CRMP1: variants seen among roughly 807,000 people sequenced by gnomAD.
CRMP1 encodes collapsin response mediator protein 1, also known as dihydropyrimidinase-related protein 1.
A neutral mutation model predicts 68.3 loss-of-function variants in CRMP1; 19 were observed. The ratio of observed to expected loss-of-function variants is 0.28; its 90% CI spans 0.19 to 0.41. The LOEUF is 0.41. CRMP1 is among the 10% of genes least tolerant of loss of function. CRMP1 has a pLI of 1.00. For synonymous variants in CRMP1, 439 were observed against 399.6 expected, an observed-to-expected ratio of 1.10 and a Z score of -1.18; for missense variants, 791 against 967.4, an observed-to-expected ratio of 0.82 and a Z score of 2.42.
At position 5,849,476 on chromosome 4, in the gene CRMP1, T is replaced by C. The variant is rs1712463490; in HGVS notation, c.883-4A>G. ...GGAAGGTAAAGGCTTCATAGAGCTA[T>C]GGAGAGATAAACAGGGGTTGGTGTG... On this transcript the variant is annotated splice_polypyrimidine_tract_variant and splice_region_variant and intron_variant, in intron 5 of 13. Coordinates refer to ENST00000324989, the MANE Select transcript of CRMP1 (RefSeq NM_001014809.3). 3 of 1,605,096 alleles carry C rather than the reference T, an allele frequency of 1.9e-6. No individual in the cohort carries two copies. Among genetic ancestry groups the C allele is most frequent in the East Asian group, 2.2e-5 (1 of 44,786 alleles).
intron 13 of CRMP1, among the ~76,000 whole-genome samples, chr4:5,823,298 C>T (rs555880367): frequency 6.6e-6 from 1 of 152,320 alleles, no homozygotes; most frequent in African/African-American, 2.4e-5. Flanking sequence ...TCTTTTCTCC[C>T]ATTGTTTCAC....
intron 10 of CRMP1, 57 bp from the exon 11 acceptor site, chr4:5,836,142 GCAGCTGGGCACAAATGGAAGACTGC>G: frequency 7.3e-7 from 1 of 1,362,644 alleles, no homozygotes; most frequent in East Asian, 2.8e-5. Flanking sequence ...AGGAGGAGGG[GCAGCTGGGCACAAATGGAAGACTGC>G]CAGCTGAGGC....
rs889240381 is a variant in CRMP1 at position 5,858,400 on chromosome 4, A to G, written c.656-2093T>C. ...GAGAATGTCCAAAACCTCATGCAAT[A>G]CTCTCCCCACCCCGACCCCAGCTGT... On this transcript the variant is annotated intron_variant, in intron 3 of 13. Transcript: ENST00000324989. This position sits in a 1 kb window ranked among gnomAD's most constrained non-coding sequence, Gnocchi z 5.5. Among the ~76,000 whole-genome samples, 9 of 150,752 alleles carry G rather than the reference A, an allele frequency of 6.0e-5. No homozygotes were observed. The highest frequency in any genetic ancestry group is 2.2e-4 in the African/African-American group (9 of 40,826).
At chr4:5,878,076 G>A (rs534584329) in intron 1 of CRMP1, among the ~76,000 whole-genome samples, 2 of 152,326 alleles carry the variant, frequency 1.3e-5, no homozygotes, top group East Asian at 1.9e-4. Context: ...CATTACATGG[G>A]TTTTCATTTT....
At chr4:5,864,926 G>C (rs1416612270) in intron 2 of CRMP1, among the ~76,000 whole-genome samples, 2 of 129,088 alleles carry the variant, frequency 1.5e-5, no homozygotes, top group Admixed American at 9.3e-5. Context: ...ATTTGAAATG[G>C]TCAAAGTCTG....
chr4:5,893,042 G>A lies in CRMP1; in HGVS notation c.-73C>T. The A allele has an allele frequency of 9.9e-7, 1 of 1,006,438 alleles. No individual in the cohort carries two copies. The highest frequency in any genetic ancestry group is 1.2e-6 in the Non-Finnish European group (1 of 831,538). The allele number at this position is 1,006,438 out of a possible 1,614,324, so 62.3% of individuals were successfully genotyped here. ...GGCCCTGGGCACCGCCGTGCGCCGC[G>A]CTCCGCGCCTCGGTGCGGGCCTGCG... On this transcript the variant is annotated 5_prime_UTR_variant, in exon 1 of 14. Coordinates refer to ENST00000324989, the MANE Select transcript of CRMP1 (RefSeq NM_001014809.3).
chr4:5,892,773 CTGCGCGGCGTGCG>C lies in CRMP1; in HGVS notation c.184_196del (p.Arg62AlafsTer23). On this transcript the variant is annotated frameshift_variant, in exon 1 of 14. Coordinates refer to ENST00000324989, the MANE Select transcript of CRMP1 (RefSeq NM_001014809.3). LOFTEE classifies it high-confidence loss of function. This position sits in a 1 kb window ranked among gnomAD's most constrained non-coding sequence, Gnocchi z 8.6. ...CCCGACCGCGTCGGGCCGGCCAGCG[CTGCGCGGCGTGCG>C]CGCCGAGCCGCGGCGGCCCACACTG... The C allele has an allele frequency of 1.6e-6, 2 of 1,286,416 alleles. No homozygotes were observed. Among genetic ancestry groups the C allele is most frequent in the Non-Finnish European group, 9.9e-7 (1 of 1,014,476 alleles). 79.7% of individuals were successfully genotyped at this position (1,286,416 alleles called of 1,614,324 possible).
At chr4:5,863,388 G>T (rs571638901) in intron 2 of CRMP1, among the ~76,000 whole-genome samples, 1 of 152,326 alleles carries the variant, frequency 6.6e-6, no homozygotes, top group South Asian at 2.1e-4. Flanking sequence ...GATGGGCCCA[G>T]ATTCAAGCCC....
chr4:5,884,985 A>T (rs73797947), intron 1 of CRMP1, among the ~76,000 whole-genome samples: 351 of 26,586 alleles, frequency 0.013, 2 homozygotes, highest in Middle Eastern at 0.04. Flanking sequence ...GCCATTCATT[A>T]AAAAAAAAAA....
rs557885516 is a variant in CRMP1, at chr4:5,842,669, TACACACACTC to T, written c.1032+414_1032+423del. Among the ~76,000 whole-genome samples the T allele has an allele frequency of 5.4e-4, 81 of 150,386 alleles. No homozygotes were observed. The highest frequency in any genetic ancestry group is 9.8e-4 in the Non-Finnish European group (66 of 67,496). Reference sequence around the variant, plus strand: ...TCTCTCTCACACACACACACTAACATACACACACTCACACACACACATACACACACAGCCA... The same window carrying T: ...TCTCTCTCACACACACACACTAACATACACACACACATACACACACAGCCA... On this transcript the variant is annotated intron_variant, in intron 7 of 13. Transcript: ENST00000324989. This position sits in a 1 kb window ranked among gnomAD's most constrained non-coding sequence, Gnocchi z 4.5.
rs1038604338 is a variant in CRMP1 at position 5,855,938 on chromosome 4, C to A, written c.820+205G>T. ...CAGAGACTGGATCTGCTTCTGAGAA[C>A]AAGGACACCCCCAGAGGTTTTCAAG... On this transcript the variant is annotated intron_variant, in intron 4 of 13. Transcript: ENST00000324989. This position sits in a 1 kb window ranked among gnomAD's most constrained non-coding sequence, Gnocchi z 4.9. 2.0e-5 allele frequency among the ~76,000 whole-genome samples: 3 copies of A among 152,156 alleles called. No individual in the cohort carries two copies. Among genetic ancestry groups the A allele is most frequent in the Admixed American group, 1.3e-4 (2 of 15,280 alleles).
rs1715197258 is a variant in CRMP1, at chr4:5,881,179, T to C, written c.381+11410A>G. Among the ~76,000 whole-genome samples the C allele has an allele frequency of 6.6e-6, 1 of 152,172 alleles. No individual in the cohort carries two copies. Among genetic ancestry groups the C allele is most frequent in the East Asian group, 1.9e-4 (1 of 5,184 alleles). On this transcript the variant is annotated intron_variant, in intron 1 of 13. Transcript: ENST00000324989. This position sits in a 1 kb window ranked among gnomAD's most constrained non-coding sequence, Gnocchi z 4.6. ...GAAGGAGTGGGGAACTACAACCTCA[T>C]ATATCCACAAACATTGCTTTCTTCC...
chr4:5,825,614 C>G lies in CRMP1; in HGVS notation c.1849G>C (p.Val617Leu). ...TTGGGTGTAGCTGGTACCTCGTACACAGGACCGTCATACATGCCCCTGGAA... is the reference window on the plus strand; with the variant it reads ...TTGGGTGTAGCTGGTACCTCGTACAGAGGACCGTCATACATGCCCCTGGAA... The part of the protein sequence containing the change: ...GVSRGMYDGP[V>L]YEVPATPKYA... Residue 617 changes from valine (V) to leucine (L), a missense_variant, in exon 13 of 14, where the codon GTG becomes CTG. Val to Leu is a conservative substitution (Grantham distance 32). Coordinates refer to ENST00000324989, the MANE Select transcript of CRMP1 (RefSeq NM_001014809.3). This position sits in a 1 kb window ranked among gnomAD's most constrained non-coding sequence, Gnocchi z 4.4. 6.2e-7 allele frequency: 1 copy of G among 1,606,118 alleles called. No homozygotes were observed. The highest frequency in any genetic ancestry group is 8.5e-7 in the Non-Finnish European group (1 of 1,177,614).
Position 5,872,429 on chromosome 4 carries a change from G to A in CRMP1, c.382-5673C>T, listed in dbSNP as rs902444695. ...AGGCCAGGTGCGGTGGCTCACGCCT[G>A]TAATCCCAGCACTTTGGGAGGCCGA... On this transcript the variant is annotated intron_variant, in intron 1 of 13. Coordinates refer to ENST00000324989, the MANE Select transcript of CRMP1 (RefSeq NM_001014809.3). The surrounding 1 kb of genome is among the most constrained non-coding windows in gnomAD (Gnocchi z 4.6). Among the ~76,000 whole-genome samples, 2 of 152,218 alleles carry A rather than the reference G, an allele frequency of 1.3e-5. No individual in the cohort carries two copies. The highest frequency in any genetic ancestry group is 4.8e-5 in the African/African-American group (2 of 41,448).
chr4:5,842,977 T>TGGGAGAGGACACG lies in CRMP1; in HGVS notation c.1032+103_1032+115dup. 1 of 963,464 alleles carries TGGGAGAGGACACG rather than the reference T, an allele frequency of 1.0e-6. No homozygotes were observed. Among genetic ancestry groups the TGGGAGAGGACACG allele is most frequent in the South Asian group, 1.4e-5 (1 of 70,296 alleles). 59.7% of individuals were successfully genotyped at this position (963,464 alleles called of 1,614,324 possible). A position where few individuals can be genotyped will look rare whatever the true frequency, so the allele number is the denominator to read the frequency against. ...GAAAACAAGATGGTTTGGGATGGTC[T>TGGGAGAGGACACG]GGGAGAGGACACGGGAAGAGGCCGG... On this transcript the variant is annotated intron_variant, in intron 7 of 13. Coordinates refer to ENST00000324989, the MANE Select transcript of CRMP1 (RefSeq NM_001014809.3). This position sits in a 1 kb window ranked among gnomAD's most constrained non-coding sequence, Gnocchi z 4.5.
intron 4 of CRMP1, among the ~76,000 whole-genome samples, chr4:5,852,156 CA>C (rs1410038584): frequency 6.6e-6 from 1 of 152,180 alleles, no homozygotes; most frequent in Non-Finnish European, 1.5e-5. Context: ...TTTTTTATCC[CA>C]TTTCTTTAAA....
intron 1 of CRMP1, among the ~76,000 whole-genome samples, chr4:5,878,377 C>T (rs1256027172): frequency 6.6e-6 from 1 of 152,032 alleles, no homozygotes; most frequent in Non-Finnish European, 1.5e-5. Context: ...AAGTACATAC[C>T]CCAGGCCTTG....
rs1719445716 is a variant in CRMP1 at position 5,825,679 on chromosome 4, G to A, written c.1804-20C>T. 1 of 1,611,124 alleles carries A rather than the reference G, an allele frequency of 6.2e-7. No individual in the cohort carries two copies. Among genetic ancestry groups the A allele is most frequent in the African/African-American group, 1.3e-5 (1 of 74,878 alleles). ...AAAAACCTAAACAGAGGAAGGGAGA[G>A]TGTGATTGATCGACACTGTGCATGT... On this transcript the variant is annotated intron_variant, in intron 12 of 13. Coordinates refer to ENST00000324989, the MANE Select transcript of CRMP1 (RefSeq NM_001014809.3). This position sits in a 1 kb window ranked among gnomAD's most constrained non-coding sequence, Gnocchi z 4.4.
At position 5,850,280 on chromosome 4, in the gene CRMP1, C is replaced by T. The variant is rs765178474; in HGVS notation, c.883-808G>A. On this transcript the variant is annotated intron_variant, in intron 5 of 13. Transcript: ENST00000324989. The surrounding 1 kb of genome is among the most constrained non-coding windows in gnomAD (Gnocchi z 4.4). Reference sequence around the variant, plus strand: ...CATGAAGCACTTTTGAGAACCTGCACGCAGAGGCTGCTCGATTCCATCCAT... The same window carrying T: ...CATGAAGCACTTTTGAGAACCTGCATGCAGAGGCTGCTCGATTCCATCCAT... Among the ~76,000 whole-genome samples the T allele has an allele frequency of 2.0e-5, 3 of 152,198 alleles. No individual in the cohort carries two copies. Among genetic ancestry groups the T allele is most frequent in the Admixed American group, 6.5e-5 (1 of 15,288 alleles).
Sources: allele counts gnomAD v4.1 joint callset (sites outside exome capture counted in the v4.1 genomes callset), GRCh38; gene constraint gnomAD v4.1.1; non-coding constraint Gnocchi (gnomAD v3.1); transcripts MANE v1.5; gene names NCBI Gene and HGNC (gene_info 2026-07-23, HGNC 2026-07-21).